The following ATP8A2 variants were observed in gnomAD, a reference collection of about 807,000 sequenced individuals.
ATP8A2 encodes phospholipid-transporting ATPase IB.
ATP8A2 carries 100 observed loss-of-function variants against 165.6 expected under a neutral mutation model. The ratio of observed to expected loss-of-function variants is 0.60; its 90% CI spans 0.51 to 0.71. The LOEUF (loss-of-function observed/expected upper bound fraction) is 0.71. ATP8A2 is among the 30% of genes least tolerant of loss of function. The pLI is 0.00. For synonymous variants in ATP8A2, 543 were observed against 548.8 expected, an observed-to-expected ratio of 0.99 and a Z score of 0.15; for missense variants, 1,227 against 1,479.5, an observed-to-expected ratio of 0.83 and a Z score of 2.80.
At chr13:25,465,709 TTC>T (rs1277493687) in intron 1 of ATP8A2, among the ~76,000 whole-genome samples, 1 of 22,090 alleles carries the variant, frequency 4.5e-5, no homozygotes, top group African/African-American at 1.3e-4. Context: ...CTTTCTTTCT[TTC>T]TTTCTTTCTT....
At chr13:25,465,671 CTTTCTTTCTTTCTTTCTT>C (rs2035618952) in intron 1 of ATP8A2, among the ~76,000 whole-genome samples, 2 of 7,250 alleles carry the variant, frequency 2.8e-4, no homozygotes, top group Admixed American at 1.7e-3. Flanking sequence ...AGTTTTCTTT[CTTTCTTTCTTTCTTTCTT>C]TCTTTCTTTC....
At chr13:25,769,465 T>A (rs1234630161) in intron 26 of ATP8A2, among the ~76,000 whole-genome samples, 1 of 152,224 alleles carries the variant, frequency 6.6e-6, no homozygotes, top group Admixed American at 6.5e-5. Flanking sequence ...GCCAAGCTGC[T>A]CTGTGATCCA....
intron 1 of ATP8A2, among the ~76,000 whole-genome samples, chr13:25,380,014 C>T (rs535937655): frequency 2.0e-5 from 3 of 152,056 alleles, no homozygotes; most frequent in South Asian, 2.1e-4. Flanking sequence ...GAAGGGTTCT[C>T]GGGTAAGAAT....
intron 33 of ATP8A2, among the ~76,000 whole-genome samples, chr13:25,866,236 A>C (rs1952505972): frequency 6.6e-6 from 1 of 152,200 alleles, no homozygotes; most frequent in Admixed American, 6.5e-5. Context: ...TGCCCCAGCT[A>C]TGATAGTTAC....
intron 2 of ATP8A2, among the ~76,000 whole-genome samples, chr13:25,476,060 C>T (rs987017463): frequency 4.6e-5 from 7 of 152,002 alleles, no homozygotes; most frequent in African/African-American, 7.3e-5. Flanking sequence ...ATATTTTTGT[C>T]TTAAGGAGTA....
chr13:25,713,577 T>A (rs1313845246), intron 25 of ATP8A2, among the ~76,000 whole-genome samples: 2 of 152,174 alleles, frequency 1.3e-5, no homozygotes, highest in Non-Finnish European at 2.9e-5. Flanking sequence ...TAGTAGTTAG[T>A]GATTCATAAG....
intron 24 of ATP8A2, among the ~76,000 whole-genome samples, chr13:25,681,083 A>T (rs1216765080): frequency 1.3e-5 from 2 of 152,226 alleles, no homozygotes; most frequent in Non-Finnish European, 2.9e-5. Flanking sequence ...TAGGAAAAAT[A>T]GAAATTCTAG....
intron 24 of ATP8A2, among the ~76,000 whole-genome samples, chr13:25,627,288 G>C (rs535487546): frequency 6.6e-6 from 1 of 152,232 alleles, no homozygotes; most frequent in South Asian, 2.1e-4. Flanking sequence ...AAGCAGACAA[G>C]GAAAGACCAT....
intron 6 of ATP8A2, among the ~76,000 whole-genome samples, chr13:25,533,807 T>G (rs981042281): frequency 6.6e-6 from 1 of 152,098 alleles, no homozygotes; most frequent in Non-Finnish European, 1.5e-5. Context: ...GTTTAGAGGG[T>G]TGAAGAATGG....
chr13:25,514,071 G>A (rs955925854), intron 2 of ATP8A2, among the ~76,000 whole-genome samples: 3 of 151,972 alleles, frequency 2.0e-5, no homozygotes, highest in African/African-American at 7.3e-5. Flanking sequence ...GTACTATTAA[G>A]TCTCTTTTAT....
chr13:25,973,012 A>G lies in ATP8A2; in HGVS notation c.3377+4333A>G, dbSNP rs150863749. On this transcript the variant is annotated intron_variant, in intron 35 of 36. Transcript: ENST00000381655. Reference sequence around the variant, plus strand: ...TGAATAAACAAGGAGAGCTTGTTCTATTTCTAGATCACCTTTCACTCTGTT... The same window carrying G: ...TGAATAAACAAGGAGAGCTTGTTCTGTTTCTAGATCACCTTTCACTCTGTT... 2.4e-3 allele frequency among the ~76,000 whole-genome samples: 362 copies of G among 152,162 alleles called. 3 individuals carry two copies. Among genetic ancestry groups the G allele is most frequent in the African/African-American group, 8.3e-3 (346 of 41,506 alleles).
chr13:25,381,905 C>T (rs73168540), intron 1 of ATP8A2, among the ~76,000 whole-genome samples: 2,698 of 152,218 alleles, frequency 0.018, 39 homozygotes, highest in Non-Finnish European at 0.028. Context: ...GTGGGGATGC[C>T]GTCTGTGTAA....
chr13:25,587,773 G>A (rs2039964643), intron 23 of ATP8A2, among the ~76,000 whole-genome samples: 1 of 148,338 alleles, frequency 6.7e-6, no homozygotes, highest in Non-Finnish European at 1.5e-5. Flanking sequence ...CCTAATCTAA[G>A]GACTTATAGG....
intron 1 of ATP8A2, among the ~76,000 whole-genome samples, chr13:25,460,961 C>T (rs887956702): frequency 6.6e-6 from 1 of 152,192 alleles, no homozygotes; most frequent in African/African-American, 2.4e-5. Flanking sequence ...GCTTATGCCC[C>T]TCTCCCTACC....
At chr13:25,800,050 G>A (rs1950589738) in intron 27 of ATP8A2, among the ~76,000 whole-genome samples, 1 of 152,184 alleles carries the variant, frequency 6.6e-6, no homozygotes, top group African/African-American at 2.4e-5. Context: ...ATTGCTTTAA[G>A]TGTTTTACAC....
At chr13:25,387,043 C>A (rs572444269) in intron 1 of ATP8A2, among the ~76,000 whole-genome samples, 1 of 152,300 alleles carries the variant, frequency 6.6e-6, no homozygotes, top group South Asian at 2.1e-4. Flanking sequence ...TCAGTCACTT[C>A]TCTCTGGACT....
intron 1 of ATP8A2, among the ~76,000 whole-genome samples, chr13:25,453,487 C>T (rs924357025): frequency 1.1e-4 from 16 of 152,176 alleles, no homozygotes; most frequent in East Asian, 1.9e-4. Flanking sequence ...TGGGGTTTTA[C>T]GGCTTATGGC....
At chr13:25,795,804 C>G (rs931545899) in intron 27 of ATP8A2, among the ~76,000 whole-genome samples, 8 of 152,130 alleles carry the variant, frequency 5.3e-5, no homozygotes, top group African/African-American at 1.7e-4. Flanking sequence ...GAATTTTTTT[C>G]TGGTCCTTTA....
intron 35 of ATP8A2, among the ~76,000 whole-genome samples, chr13:25,976,858 A>T (rs1472901569): frequency 6.6e-6 from 1 of 152,078 alleles, no homozygotes; most frequent in Non-Finnish European, 1.5e-5. Flanking sequence ...GTGCGACCTC[A>T]GCTCGCTGCA....
Sources: allele counts gnomAD v4.1 joint callset (sites outside exome capture counted in the v4.1 genomes callset), GRCh38; gene constraint gnomAD v4.1.1; transcripts MANE v1.5; gene names NCBI Gene and HGNC (gene_info 2026-07-23, HGNC 2026-07-21).